The following GATA1 variants were observed in gnomAD, a reference collection of about 807,000 sequenced individuals.
The protein encoded by GATA1 is erythroid transcription factor.
A neutral mutation model predicts 18.9 loss-of-function variants in GATA1; 2 were observed. The ratio of observed to expected loss-of-function variants is 0.11; its 90% CI spans 0.04 to 0.33. The LOEUF is 0.33. Ranked by LOEUF, GATA1 falls within the 10% of genes least tolerant of loss-of-function variation. The probability of loss-of-function intolerance (pLI) is 1.00; values close to 1 mark genes in which losing one functional copy is unlikely to be tolerated. For synonymous variants in GATA1, 152 were observed against 149.1 expected, an observed-to-expected ratio of 1.02 and a Z score of -0.14; for missense variants, 272 against 344.7, an observed-to-expected ratio of 0.79 and a Z score of 1.67.
intron 1 of GATA1, among the ~76,000 whole-genome samples, chrX:48,788,306 AAC>A (rs1427804478): frequency 4.5e-5 from 5 of 110,334 alleles, no homozygotes; most frequent in African/African-American, 1.7e-4. Flanking sequence ...AGAAAGGAAA[AAC>A]AGAGAGAGAG....
intron 1 of GATA1, 83 bp from the exon 2 acceptor site, chrX:48,791,007 AG>A (rs1358207260): frequency 7.1e-6 from 4 of 563,941 alleles, no homozygotes; most frequent in East Asian, 7.6e-5. Flanking sequence ...GAGTGGGAGG[AG>A]GGGGAAAGGA....
At position 48,792,039 on chromosome X, in the gene GATA1, A is replaced by T. The variant is rs1402472937; in HGVS notation, c.416A>T (p.Glu139Val). Residue 139 changes from glutamate (E) to valine (V), a missense_variant, in exon 3 of 6, where the codon GAG becomes GTG. Glu to Val is a moderately radical substitution (Grantham distance 121). This residue lies in a region of GATA1 where 147 missense variants were observed against 157.4 expected (regional missense o/e 0.93). Coordinates refer to ENST00000376670, the MANE Select transcript of GATA1 (RefSeq NM_002049.4). ...STSFLETLKT[E>V]RLSPDLLTLG... ...AGCTTCCTGGAGACTTTGAAGACAG[A>T]GCGGCTGAGCCCAGACCTCCTGACC... 8.3e-7 allele frequency: 1 copy of T among 1,211,596 alleles called. No homozygotes were observed. Among genetic ancestry groups the T allele is most frequent in the Non-Finnish European group, 1.1e-6 (1 of 895,377 alleles).
Position 48,792,216 on chromosome X carries a change from C to T in GATA1, c.593C>T (p.Pro198Leu). 2 of 1,211,594 alleles carry T rather than the reference C, an allele frequency of 1.7e-6. No individual in the cohort carries two copies. Among genetic ancestry groups the T allele is most frequent in the Non-Finnish European group, 2.2e-6 (2 of 895,452 alleles). ...CTTCGTGGAACTCTCCCCCTGCCTC[C>T]CTGTGGTGAGAAATTCAAAAAAGGA... is the stretch of plus-strand genomic sequence containing the variant. Reference protein sequence around the residue: ...PKLRGTLPLPPCEARECVNCG... With the variant: ...PKLRGTLPLPLCEARECVNCG... The change falls in exon 3 of 6, where the codon CCC becomes CTC. Residue 198 changes from proline (P) to leucine (L), a missense_variant. Pro to Leu is a moderately conservative substitution (Grantham distance 98). Transcript: ENST00000376670.
intron 2 of GATA1, 72 bp downstream of exon 2, chrX:48,791,401 G>A (rs1275988231): frequency 2.9e-5 from 26 of 894,527 alleles, no homozygotes; most frequent in Non-Finnish European, 4.0e-5. Context: ...CCTTGGCTAG[G>A]TCAGAATACC....
At position 48,793,545 on chromosome X, in the gene GATA1, T is replaced by C. The variant is rs1470195903; in HGVS notation, c.870+248T>C. Among the ~76,000 whole-genome samples the C allele has an allele frequency of 4.9e-5, 5 of 101,401 alleles. No individual in the cohort carries two copies. The Admixed American group carries it at 5.4e-4, about 11-fold the overall frequency. 88.1% of individuals were successfully genotyped at this position (101,401 alleles called of 115,157 possible). A position where few individuals can be genotyped will look rare whatever the true frequency, so the allele number is the denominator to read the frequency against. Reference sequence around the variant, plus strand: ...ATTCCCTCCTCCTCCGCCCTCCTCCTTCCTCTCCTCTCCCCCACCTCCAGG... The same window carrying C: ...ATTCCCTCCTCCTCCGCCCTCCTCCCTCCTCTCCTCTCCCCCACCTCCAGG... On this transcript the variant is annotated intron_variant, in intron 5 of 5. Coordinates refer to ENST00000376670, the MANE Select transcript of GATA1 (RefSeq NM_002049.4).
In GATA1 at chrX:48,794,188, G is replaced by A; in HGVS notation, c.*24G>A. On this transcript the variant is annotated 3_prime_UTR_variant, in exon 6 of 6. Transcript: ENST00000376670. ...GAGGGCACAGAGCATGGCCTCCAGA[G>A]GAGGGGTGGTGTCCTTCTCCTCTTG... 1.7e-6 allele frequency: 2 copies of A among 1,193,822 alleles called. No individual in the cohort carries two copies. The highest frequency in any genetic ancestry group is 1.7e-5 in the African/African-American group (1 of 57,509).
At position 48,791,840 on chromosome X, in the gene GATA1, A is replaced by G. The variant is rs782150782; in HGVS notation, c.221-4A>G. On this transcript the variant is annotated splice_region_variant and splice_polypyrimidine_tract_variant and intron_variant, in intron 2 of 5. Coordinates refer to ENST00000376670, the MANE Select transcript of GATA1 (RefSeq NM_002049.4). ...TTTCCTCCATCCCTACCTGCCCCCA[A>G]CAGTCTTTCAGGTGTACCCATTGCT... is the stretch of plus-strand genomic sequence containing the variant. The G allele has an allele frequency of 1.7e-6, 2 of 1,211,137 alleles. No homozygotes were observed. Among genetic ancestry groups the G allele is most frequent in the Non-Finnish European group, 2.2e-6 (2 of 895,284 alleles).
intron 1 of GATA1, among the ~76,000 whole-genome samples, chrX:48,789,786 A>G (rs2062668390): frequency 9.0e-6 from 1 of 111,015 alleles, no homozygotes; most frequent in Non-Finnish European, 1.9e-5. Context: ...CTGTCTGTAG[A>G]CGCAACAGAG....
intron 1 of GATA1, among the ~76,000 whole-genome samples, chrX:48,787,287 C>A (rs1286792065): frequency 9.0e-6 from 1 of 111,098 alleles, no homozygotes; most frequent in Non-Finnish European, 1.9e-5. Flanking sequence ...CTTCAAACAC[C>A]AAGTCAACTC....
chrX:48,789,674 C>A (rs980373862), intron 1 of GATA1, among the ~76,000 whole-genome samples: 24 of 110,464 alleles, frequency 2.2e-4, no homozygotes, highest in African/African-American at 7.3e-4. Context: ...AAGTCAGTGG[C>A]CTTGGGGTGA....
chrX:48,789,996 G>C lies in GATA1; in HGVS notation c.-19-1095G>C, dbSNP rs1386520851. On this transcript the variant is annotated intron_variant, in intron 1 of 5. Coordinates refer to ENST00000376670, the MANE Select transcript of GATA1 (RefSeq NM_002049.4). ...CAGACTCTTCTAGAGGGGGAGGGAAGAAAGGACGGGGGGACGGGGAGAATA... is the reference window on the plus strand; with the variant it reads ...CAGACTCTTCTAGAGGGGGAGGGAACAAAGGACGGGGGGACGGGGAGAATA... Among the ~76,000 whole-genome samples the C allele has an allele frequency of 2.5e-4, 27 of 109,514 alleles. No homozygotes were observed. The Admixed American group carries it at 2.6e-3, about 11-fold the overall frequency.
chrX:48,787,673 C>T lies in GATA1; in HGVS notation c.-20+1028C>T, dbSNP rs192952143. On this transcript the variant is annotated intron_variant, in intron 1 of 5. Transcript: ENST00000376670. Reference sequence around the variant, plus strand: ...AAATGTGTCTCTGAACTTCCAAGCTCGTCTCTGCTCCACAACCCCGCCCAT... The same window carrying T: ...AAATGTGTCTCTGAACTTCCAAGCTTGTCTCTGCTCCACAACCCCGCCCAT... Among the ~76,000 whole-genome samples the T allele has an allele frequency of 1.5e-4, 17 of 111,317 alleles. No individual in the cohort carries two copies. The East Asian group carries it at 4.8e-3, about 31-fold the overall frequency.
chrX:48,787,836 C>T (rs2062662714), intron 1 of GATA1, among the ~76,000 whole-genome samples: 1 of 111,470 alleles, frequency 9.0e-6, no homozygotes, highest in Non-Finnish European at 1.9e-5. Flanking sequence ...CCCTTCAGCC[C>T]GGTGAGACCC....
chrX:48,794,015 C>T lies in GATA1; in HGVS notation c.1093C>T (p.Gln365Ter). 8.3e-7 allele frequency: 1 copy of T among 1,210,977 alleles called. No homozygotes were observed. Among genetic ancestry groups the T allele is most frequent in the Non-Finnish European group, 1.1e-6 (1 of 895,014 alleles). Residue 365 changes from glutamine (Q) to a stop codon, truncating the protein, a stop_gained, in exon 6 of 6, where the codon CAA (glutamine) becomes TAA (stop). Coordinates refer to ENST00000376670, the MANE Select transcript of GATA1 (RefSeq NM_002049.4). LOFTEE classifies it high-confidence loss of function. Reference protein sequence around the residue: ...LGPPGTAHLYQGLGPVVLSGP... With the variant: ...LGPPGTAHLY ...CCCCCCAGGTACTGCCCATCTCTAC[C>T]AAGGCCTGGGCCCTGTGGTGCTGTC...
At chrX:48,793,386 T>C in intron 5 of GATA1, 89 bp downstream of exon 5, 1 of 920,487 alleles carries the variant, frequency 1.1e-6, no homozygotes, top group Non-Finnish European at 1.5e-6. Flanking sequence ...TACCTCTCTC[T>C]TCCCCCACAA....
intron 5 of GATA1, 114 bp from the exon 6 acceptor site, chrX:48,793,679 C>A: frequency 9.4e-7 from 1 of 1,067,140 alleles, no homozygotes; most frequent in Non-Finnish European, 1.3e-6. Flanking sequence ...TGGACAATCT[C>A]AGCACCCAAA....
Position 48,794,189 on chromosome X carries a change from G to A in GATA1, c.*25G>A. 1 of 1,193,699 alleles carries A rather than the reference G, an allele frequency of 8.4e-7. No individual in the cohort carries two copies. Among genetic ancestry groups the A allele is most frequent in the Non-Finnish European group, 1.1e-6 (1 of 885,650 alleles). On this transcript the variant is annotated 3_prime_UTR_variant, in exon 6 of 6. Coordinates refer to ENST00000376670, the MANE Select transcript of GATA1 (RefSeq NM_002049.4). Reference sequence around the variant, plus strand: ...AGGGCACAGAGCATGGCCTCCAGAGGAGGGGTGGTGTCCTTCTCCTCTTGT... The same window carrying A: ...AGGGCACAGAGCATGGCCTCCAGAGAAGGGGTGGTGTCCTTCTCCTCTTGT...
rs1557020076 is a variant in GATA1, at chrX:48,791,340, T to C, written c.220+11T>C. On this transcript the variant is annotated intron_variant, in intron 2 of 5. Coordinates refer to ENST00000376670, the MANE Select transcript of GATA1 (RefSeq NM_002049.4). ...ACAGACACTCCCCAGGTAACTCCAT[T>C]GAGTGGCTGTCTTGGCATTGGCTGA... The C allele has an allele frequency of 8.5e-7, 1 of 1,180,378 alleles. No individual in the cohort carries two copies. Among genetic ancestry groups the C allele is most frequent in the Non-Finnish European group, 1.1e-6 (1 of 875,373 alleles).
intron 1 of GATA1, among the ~76,000 whole-genome samples, chrX:48,787,880 G>C (rs2062662796): frequency 1.8e-5 from 2 of 112,124 alleles, no homozygotes; most frequent in South Asian, 7.4e-4. Flanking sequence ...CGTTACCTGG[G>C]GTGAGGGGCT....
Sources: gnomAD v4.1 joint callset for allele counts (sites outside exome capture counted in the v4.1 genomes callset) on GRCh38, gnomAD v4.1.1 for gene constraint, gnomAD v4.1.1 regional missense constraint, MANE v1.5 for transcripts, NCBI Gene and HGNC (gene_info 2026-07-23, HGNC 2026-07-21) for gene names.